The following CSPG4 variants were observed in gnomAD, a reference collection of about 807,000 sequenced individuals.
CSPG4 encodes the protein chondroitin sulfate proteoglycan 4 (melanoma-associated).
Under a neutral mutation model 139.3 loss-of-function variants are expected in CSPG4, and 74 were observed. The observed-to-expected ratio is 0.53, with a 90% CI of 0.44 to 0.64. CSPG4 has a LOEUF of 0.64. Ranked by LOEUF, CSPG4 falls within the 30% of genes least tolerant of loss-of-function variation. The pLI is 0.00. For synonymous variants in CSPG4, 1,234 were observed against 1,394.2 expected (o/e 0.89, Z 2.56); for missense variants, 2,565 against 3,148.3 (o/e 0.81, Z 4.43).
rs775055089 is a variant in CSPG4 at position 75,684,893 on chromosome 15, C to T, written c.4292G>A (p.Arg1431His). ...TGTCTCGCTCCCGTCATGCACGTAG[C>T]GGATCAGCTGCTCTTCCACCTAGGG... ...SWRMVEEQLI[R>H]YVHDGSETLT... Residue 1431 changes from arginine (R) to histidine (H), a missense_variant, in exon 5 of 10, where the codon CGC (arginine) becomes CAC (histidine). Arg to His is a conservative substitution (Grantham distance 29). This residue lies in a region of CSPG4 where 2,316 missense variants were observed against 2,818.2 expected (regional missense o/e 0.82). Coordinates refer to ENST00000308508, the MANE Select transcript of CSPG4 (RefSeq NM_001897.5). 29 of 1,609,970 alleles carry T rather than the reference C, an allele frequency of 1.8e-5. No homozygotes were observed. The highest frequency in any genetic ancestry group is 2.2e-5 in the East Asian group (1 of 44,766).
rs1566971167 is a variant in CSPG4 at position 75,676,506 on chromosome 15, T to C, written c.6013A>G (p.Ile2005Val). 1 of 1,613,932 alleles carries C rather than the reference T, an allele frequency of 6.2e-7. No individual in the cohort carries two copies. The highest frequency in any genetic ancestry group is 2.2e-5 in the East Asian group (1 of 44,882). The change falls in exon 10 of 10, where the codon ATA becomes GTA. Residue 2005 changes from isoleucine to valine, a missense_variant. Ile to Val is a conservative substitution (Grantham distance 29). This residue lies in a region of CSPG4 where 2,316 missense variants were observed against 2,818.2 expected (regional missense o/e 0.82). Coordinates refer to ENST00000308508, the MANE Select transcript of CSPG4 (RefSeq NM_001897.5). ...GCAAAGACCACCTCGCCCTGGTCTATCTGGAATTGGCTGAAGGCCGAGGTG... is the reference window on the plus strand; with the variant it reads ...GCAAAGACCACCTCGCCCTGGTCTACCTGGAATTGGCTGAAGGCCGAGGTG... ...RPTSAFSQFQ[I>V]DQGEVVFAFT... is the part of the protein sequence containing the mutation.
In CSPG4 at chr15:75,682,685, C is replaced by G. The variant is rs778627105; in HGVS notation, c.4705G>C (p.Gly1569Arg). 6.2e-7 allele frequency: 1 copy of G among 1,612,894 alleles called. No individual in the cohort carries two copies. The highest frequency in any genetic ancestry group is 2.2e-5 in the East Asian group (1 of 44,892). Residue 1569 changes from glycine to arginine, a missense_variant, in exon 7 of 10, where the codon GGA becomes CGA. Physicochemically the swap from Gly to Arg is moderately radical, Grantham distance 125. This residue lies in a region of CSPG4 where 2,316 missense variants were observed against 2,818.2 expected (regional missense o/e 0.82). Transcript: ENST00000308508. ...RLSDGEHTSPGHFFRVTAQKQ... is the reference protein window; with the variant it reads ...RLSDGEHTSPRHFFRVTAQKQ... The stretch of plus-strand genomic sequence containing the variant: ...TGGGCCGTCACTCGGAAGAAGTGTC[C>G]GGGGGAAGTGTGCTCGCCGTCAGAG...
At chr15:75,692,955 G>A (rs1894183981) in intron 2 of CSPG4, 115 bp downstream of exon 2, 2 of 606,194 alleles carry the variant, frequency 3.3e-6, no homozygotes, top group Non-Finnish European at 5.9e-6. Context: ...GAGAACTTAA[G>A]ACCCCAAGAT....
At chr15:75,697,346 C>G (rs1305321087) in intron 1 of CSPG4, among the ~76,000 whole-genome samples, 1 of 152,226 alleles carries the variant, frequency 6.6e-6, no homozygotes, top group East Asian at 1.9e-4. Context: ...TCTGGAGGGC[C>G]CCGGCCTGGG....
intron 1 of CSPG4, among the ~76,000 whole-genome samples, chr15:75,700,839 G>A (rs1436638479): frequency 6.6e-6 from 1 of 152,170 alleles, no homozygotes; most frequent in Non-Finnish European, 1.5e-5. Flanking sequence ...CTGGACGGCT[G>A]CCTGGACCTG....
intron 1 of CSPG4, among the ~76,000 whole-genome samples, chr15:75,704,382 G>A (rs1894343012): frequency 1.3e-5 from 2 of 152,236 alleles, no homozygotes; most frequent in South Asian, 4.1e-4. Context: ...TCCACGGTTG[G>A]AGGGACAGCC....
intron 4 of CSPG4, 37 bp from the exon 5 acceptor site, chr15:75,684,949 C>T: frequency 6.3e-7 from 1 of 1,582,894 alleles, no homozygotes; most frequent in Non-Finnish European, 8.7e-7. Flanking sequence ...CAGGCCCCAG[C>T]AGCACCCTTC....
In CSPG4 at chr15:75,690,622, A is replaced by G. The variant is rs769884417; in HGVS notation, c.443T>C (p.Val148Ala). 5.6e-6 allele frequency: 9 copies of G among 1,610,656 alleles called. No homozygotes were observed. The highest frequency in any genetic ancestry group is 1.3e-5 in the African/African-American group (1 of 74,870). ...CAGGCCAAGGGTCCCAGTGCCCCCA[A>G]CAAAGAGCCCATAGGGGACCTCTAG... ...APLEVPYGLF[V>A]GGTGTLGLPY... The change falls in exon 3 of 10, where the codon GTT becomes GCT. Residue 148 changes from valine (V) to alanine (A), a missense_variant. By Grantham distance (64) the Val-to-Ala change is moderately conservative. Around this residue, in one of 5 missense-constraint regions of CSPG4, gnomAD observed 132 missense variants for 132.3 expected, o/e 1.00. Transcript: ENST00000308508.
chr15:75,677,118 G>C lies in CSPG4; in HGVS notation c.5401C>G (p.Arg1801Gly). The change falls in exon 10 of 10, where the codon CGT becomes GGT. Residue 1801 changes from arginine to glycine, a missense_variant. By Grantham distance (125) the Arg-to-Gly change is moderately radical (BLOSUM62 -2). This residue lies in a region of CSPG4 where 2,316 missense variants were observed against 2,818.2 expected (regional missense o/e 0.82). Coordinates refer to ENST00000308508, the MANE Select transcript of CSPG4 (RefSeq NM_001897.5). ...GGTQQDGFHF[R>G]AHLQGPAGAS... ...CCTGCTGGCCCCTGGAGGTGGGCAC[G>C]AAAGTGGAAGCCATCCTGCTGGGTG... 7.1e-7 allele frequency: 1 copy of C among 1,410,250 alleles called. No homozygotes were observed. Among genetic ancestry groups the C allele is most frequent in the Non-Finnish European group, 9.3e-7 (1 of 1,078,294 alleles). The allele number at this position is 1,410,250 out of a possible 1,614,324, so 87.4% of individuals were successfully genotyped here.
In CSPG4 at chr15:75,675,831, A is replaced by G; in HGVS notation, c.6688T>C (p.Cys2230Arg). The G allele has an allele frequency of 6.2e-7, 1 of 1,612,672 alleles. No individual in the cohort carries two copies. The highest frequency in any genetic ancestry group is 8.5e-7 in the Non-Finnish European group (1 of 1,180,006). ...AGCGCCAGGAGCAGAAGTACCAGGC[A>G]CATGGGGATGATGACGCTGAACATG... The part of the protein sequence containing the change: ...ANMFSVIIPM[C>R]LVLLLLALIL... The change falls in exon 10 of 10, where the codon TGC becomes CGC. Residue 2230 changes from cysteine (C) to arginine (R), a missense_variant. Around this residue, in one of 5 missense-constraint regions of CSPG4, gnomAD observed 2,316 missense variants for 2,818.2 expected, o/e 0.82. Coordinates refer to ENST00000308508, the MANE Select transcript of CSPG4 (RefSeq NM_001897.5).
rs892361635 is a variant in CSPG4, at chr15:75,675,411, C to T, written c.*139G>A. 2.1e-6 allele frequency: 2 copies of T among 959,408 alleles called. No individual in the cohort carries two copies. The highest frequency in any genetic ancestry group is 7.4e-5 in the Admixed American group (2 of 26,878). The allele number at this position is 959,408 out of a possible 1,614,324, so 59.4% of individuals were successfully genotyped here. On this transcript the variant is annotated 3_prime_UTR_variant, in exon 10 of 10. Transcript: ENST00000308508. ...GTCCCGGACCCCTGGGACTATCTCC[C>T]AGGACCCTCCACCCCTGGTGTCTCC...
Position 75,687,886 on chromosome 15 carries a change from C to T in CSPG4, c.3179G>A (p.Arg1060His), listed in dbSNP as rs751503497. Residue 1060 changes from arginine to histidine, a missense_variant, in exon 3 of 10, where the codon CGC becomes CAC. Physicochemically the swap from Arg to His is conservative, Grantham distance 29. This residue lies in a region of CSPG4 where 2,316 missense variants were observed against 2,818.2 expected (regional missense o/e 0.82). Coordinates refer to ENST00000308508, the MANE Select transcript of CSPG4 (RefSeq NM_001897.5). This position sits in a 1 kb window ranked among gnomAD's most constrained non-coding sequence, Gnocchi z 5.4. ...GATACTGCCAAAGAGGAGGTCCTTG[C>T]GGGTAAGCACCAGCTGGGCGTCAGC... Reference protein sequence around the residue: ...GFADAQLVLTRKDLLFGSIVA... With the variant: ...GFADAQLVLTHKDLLFGSIVA... 39 of 1,612,810 alleles carry T rather than the reference C, an allele frequency of 2.4e-5. No individual in the cohort carries two copies. Among genetic ancestry groups the T allele is most frequent in the African/African-American group, 1.7e-4 (13 of 74,944 alleles).
intron 1 of CSPG4, among the ~76,000 whole-genome samples, chr15:75,710,649 G>A (rs544167727): frequency 6.6e-6 from 1 of 152,316 alleles, no homozygotes; most frequent in Non-Finnish European, 1.5e-5. Flanking sequence ...ATGAGTAGAG[G>A]GAGAGCCTCC....
At chr15:75,700,076 A>C (rs906350158) in intron 1 of CSPG4, among the ~76,000 whole-genome samples, 4 of 152,130 alleles carry the variant, frequency 2.6e-5, no homozygotes, top group African/African-American at 9.7e-5. Context: ...ACAGGTGAGG[A>C]AACTGAGGCT....
chr15:75,712,884 G>T, upstream of CSPG4: 1 of 709,756 alleles, frequency 1.4e-6, no homozygotes. Flanking sequence ...TTAACTCCGG[G>T]GGCGGGGCAG....
At chr15:75,712,933 CT>C (rs1894469002), upstream of CSPG4, 7 of 546,500 alleles carry the variant, frequency 1.3e-5, no homozygotes, top group South Asian at 1.6e-4. Context: ...CAGGCTTGGA[CT>C]CCCCCACCTG....
chr15:75,710,353 T>C (rs1437335601), intron 1 of CSPG4, among the ~76,000 whole-genome samples: 4 of 152,148 alleles, frequency 2.6e-5, no homozygotes, highest in African/African-American at 7.2e-5. Context: ...CCCCCAATGC[T>C]TGGCTCTCTG....
chr15:75,675,569 T>C lies in CSPG4; in HGVS notation c.6950A>G (p.Asn2317Ser), dbSNP rs1389601535. 6.6e-7 allele frequency: 1 copy of C among 1,507,456 alleles called. No homozygotes were observed. The highest frequency in any genetic ancestry group is 8.9e-7 in the Non-Finnish European group (1 of 1,128,130). The allele number at this position is 1,507,456 out of a possible 1,614,324, so 93.4% of individuals were successfully genotyped here. Residue 2317 changes from asparagine (N) to serine (S), a missense_variant, in exon 10 of 10, where the codon AAT becomes AGT. By Grantham distance (46) the Asn-to-Ser change is conservative. Transcript: ENST00000308508. ...CAGGCCTCACACCCAGTACTGGCCA[T>C]TCTTAAGGGCAGGGTTGGGTGTCCG... ...FCRTPNPALK[N>S]GQYWV
Position 75,676,516 on chromosome 15 carries a change from G to A in CSPG4, c.6003C>T (p.Ser2001=). The A allele has an allele frequency of 6.2e-7, 1 of 1,613,866 alleles. No homozygotes were observed. Among genetic ancestry groups the A allele is most frequent in the South Asian group, 1.1e-5 (1 of 91,092 alleles). ...LVGGRPTSAF[S]QFQIDQGEVV... is the part of the protein sequence containing the mutation. The stretch of plus-strand genomic sequence containing the variant: ...CCTCGCCCTGGTCTATCTGGAATTG[G>A]CTGAAGGCCGAGGTGGGCCGCCCGC... The change falls in exon 10 of 10, where the codon AGC becomes AGT. Residue 2001 remains serine (S), a synonymous_variant. Transcript: ENST00000308508.
Sources: allele counts gnomAD v4.1 joint callset (sites outside exome capture counted in the v4.1 genomes callset), GRCh38; gene constraint gnomAD v4.1.1; regional missense constraint gnomAD v4.1.1; non-coding constraint Gnocchi (gnomAD v3.1); transcripts MANE v1.5; gene names NCBI Gene and HGNC (gene_info 2026-07-23, HGNC 2026-07-21).